DST: variants seen among roughly 807,000 people sequenced by gnomAD.
The protein encoded by DST is dystonin.
Under a neutral mutation model 875.2 loss-of-function variants are expected in DST, and 253 were observed. That is an observed-to-expected ratio of 0.29 (90% CI 0.26 to 0.32). DST has a LOEUF of 0.32. Among genes scored for constraint, DST ranks in the 10% least tolerant of loss-of-function variants. DST has a pLI of 1.00. For synonymous variants in DST, 3,124 were observed against 3,197.1 expected, an observed-to-expected ratio of 0.98 and a Z score of 0.77; for missense variants, 8,287 against 9,111.6, an observed-to-expected ratio of 0.91 and a Z score of 3.68.
intron 2 of DST, among the ~76,000 whole-genome samples, chr6:56,933,256 C>T (rs1403243180): frequency 1.3e-5 from 2 of 152,210 alleles, no homozygotes; most frequent in African/African-American, 4.8e-5. Context: ...ATGACCTGCC[C>T]CCACTTCAAG....
rs1468958599 is a variant in DST at position 56,601,610 on chromosome 6, A to C, written c.11374T>G (p.Phe3792Val). ...LETTAFDVQF[F>V]ISEYAQDLSP... ...AGATCCTGTGCATATTCAGAAATGA[A>C]GAACTGCACATCAAAGGCAGTAGTC... The change falls in exon 44 of 104, where the codon TTC becomes GTC. Residue 3792 changes from phenylalanine to valine, a missense_variant. Physicochemically the swap from Phe to Val is conservative, Grantham distance 50 (BLOSUM62 -1). Coordinates refer to ENST00000680361, the MANE Select transcript of DST (RefSeq NM_001374736.1). The C allele has an allele frequency of 6.2e-7, 1 of 1,600,310 alleles. No homozygotes were observed. Among genetic ancestry groups the C allele is most frequent in the Non-Finnish European group, 8.5e-7 (1 of 1,173,142 alleles).
At chr6:56,938,069 C>CCTCT in intron 2 of DST, among the ~76,000 whole-genome samples, 1 of 131,270 alleles carries the variant, frequency 7.6e-6, no homozygotes, top group African/African-American at 3.3e-5. Context: ...AGAAATTACA[C>CCTCT]CTCTCTCTCT....
At position 56,517,610 on chromosome 6, in the gene DST, G is replaced by C. The variant is rs759311672; in HGVS notation, c.18140C>G (p.Ala6047Gly). Residue 6047 changes from alanine to glycine, a missense_variant, in exon 70 of 104, where the codon GCA becomes GGA. Transcript: ENST00000680361. ...AILRSQQFDQ[A>G]ADAELSWITE... ...AATCCAGGATAACTCAGCATCAGCTGCTTGGTCAAACTAAACAAAAGATAA... is the reference window on the plus strand; with the variant it reads ...AATCCAGGATAACTCAGCATCAGCTCCTTGGTCAAACTAAACAAAAGATAA... The C allele has an allele frequency of 6.2e-7, 1 of 1,612,462 alleles. No individual in the cohort carries two copies. The highest frequency in any genetic ancestry group is 1.1e-5 in the South Asian group (1 of 90,900).
intron 86 of DST, among the ~76,000 whole-genome samples, chr6:56,488,519 C>T (rs2152433801): frequency 6.6e-6 from 1 of 152,276 alleles, no homozygotes; most frequent in East Asian, 1.9e-4. Context: ...TAGCCCTCAT[C>T]TGGCCAGGGA....
At chr6:56,648,413 G>A (rs1306587748) in intron 13 of DST, among the ~76,000 whole-genome samples, 157 bp downstream of exon 13, 1 of 152,062 alleles carries the variant, frequency 6.6e-6, no homozygotes, top group African/African-American at 2.4e-5. Context: ...CATTTTCTCT[G>A]TATAATAAGA....
chr6:56,749,434 C>A (rs1487273899), intron 4 of DST, among the ~76,000 whole-genome samples: 1 of 152,122 alleles, frequency 6.6e-6, no homozygotes, highest in Non-Finnish European at 1.5e-5. Context: ...TGCTCTAATT[C>A]CGTTTACCCT....
chr6:56,822,691 G>C (rs1016191654), intron 4 of DST, among the ~76,000 whole-genome samples: 5 of 151,738 alleles, frequency 3.3e-5, no homozygotes, highest in African/African-American at 1.2e-4. Flanking sequence ...TAAATTTCCT[G>C]TTACCTGAAG....
At chr6:56,629,182 A>C (rs1385375620) in intron 32 of DST, 68 bp downstream of exon 32, 1 of 1,488,176 alleles carries the variant, frequency 6.7e-7, no homozygotes, top group East Asian at 2.3e-5. Flanking sequence ...TCATATGTGT[A>C]GATTTTACTC....
chr6:56,579,146 C>T (rs1219700238), intron 49 of DST, among the ~76,000 whole-genome samples: 1 of 152,230 alleles, frequency 6.6e-6, no homozygotes, highest in African/African-American at 2.4e-5. Context: ...GTCTGGATAA[C>T]ACAAATTAAG....
chr6:56,776,800 A>C (rs1384362166), intron 4 of DST, among the ~76,000 whole-genome samples: 2 of 152,206 alleles, frequency 1.3e-5, no homozygotes, highest in Non-Finnish European at 2.9e-5. Context: ...TTTTTTAAAA[A>C]CTTACTGGCA....
At chr6:56,734,221 C>G (rs573331345) in intron 5 of DST, among the ~76,000 whole-genome samples, 2 of 152,324 alleles carry the variant, frequency 1.3e-5, no homozygotes, top group African/African-American at 4.8e-5. Flanking sequence ...GCGTGATGTG[C>G]CCTCCCTGAG....
chr6:56,497,645 C>T, intron 81 of DST, 138 bp from the exon 82 acceptor site: 2 of 1,149,380 alleles, frequency 1.7e-6, no homozygotes, highest in South Asian at 3.2e-5. Context: ...ATTTGCCTTT[C>T]TTCATCAGGA....
In DST at chr6:56,529,794, A is replaced by G. The variant is rs1392910788; in HGVS notation, c.17269-20T>C. 7 of 1,494,638 alleles carry G rather than the reference A, an allele frequency of 4.7e-6. No individual in the cohort carries two copies. The highest frequency in any genetic ancestry group is 1.8e-4 in the Middle Eastern group (1 of 5,666). The allele number at this position is 1,494,638 out of a possible 1,614,324, so 92.6% of individuals were successfully genotyped here. A position where few individuals can be genotyped will look rare whatever the true frequency, so the allele number is the denominator to read the frequency against. On this transcript the variant is annotated intron_variant, in intron 65 of 103. Coordinates refer to ENST00000680361, the MANE Select transcript of DST (RefSeq NM_001374736.1). The stretch of plus-strand genomic sequence containing the variant: ...TAAGGCCTAAGCAAAGTTTAAAAAA[A>G]TAAAGAAGAAAAACAAAAAGAATGG...
At chr6:56,619,736 C>T in intron 36 of DST, 1 of 1,614,082 alleles carries the variant, frequency 6.2e-7, no homozygotes, top group Non-Finnish European at 8.5e-7. Flanking sequence ...TTGAGAATAC[C>T]CTTTCTCCGC....
At chr6:56,551,874 C>G (rs1468294940) in intron 61 of DST, among the ~76,000 whole-genome samples, 1 of 152,082 alleles carries the variant, frequency 6.6e-6, no homozygotes, top group Non-Finnish European at 1.5e-5. Flanking sequence ...GCCACGGTCA[C>G]CACAGATGGC....
At chr6:56,717,967 C>G (rs1239126462) in intron 5 of DST, among the ~76,000 whole-genome samples, 1 of 152,160 alleles carries the variant, frequency 6.6e-6, no homozygotes, top group Non-Finnish European at 1.5e-5. Context: ...ATCTAGGCAG[C>G]AGGCAAGAAG....
chr6:56,733,749 C>G (rs1168975737), intron 5 of DST, among the ~76,000 whole-genome samples: 1 of 147,996 alleles, frequency 6.8e-6, no homozygotes, highest in African/African-American at 2.5e-5. Flanking sequence ...ATACCTTTTA[C>G]AAAAATGAAA....
In DST at chr6:56,670,637, A is replaced by G. The variant is rs1180098900; in HGVS notation, c.1214+4T>C. 13 of 1,550,920 alleles carry G rather than the reference A, an allele frequency of 8.4e-6. No individual in the cohort carries two copies. Among genetic ancestry groups the G allele is most frequent in the South Asian group, 2.5e-5 (2 of 80,500 alleles). ...TATAAGGAAAAAATACACAAATTCC[A>G]TACCTGTATTTATGAATGATGGCAT... On this transcript the variant is annotated splice_donor_region_variant and intron_variant, in intron 10 of 103. Transcript: ENST00000680361.
chr6:56,589,505 G>C (rs182331912), intron 49 of DST, among the ~76,000 whole-genome samples: 2 of 152,182 alleles, frequency 1.3e-5, no homozygotes, highest in African/African-American at 2.4e-5. Flanking sequence ...TACCTGTTGG[G>C]ACCAGAAGAC....
Sources: allele counts gnomAD v4.1 joint callset (sites outside exome capture counted in the v4.1 genomes callset), GRCh38; gene constraint gnomAD v4.1.1; transcripts MANE v1.5; gene names NCBI Gene and HGNC (gene_info 2026-07-23, HGNC 2026-07-21).